Variants in FAM135B observed in about 807,000 individuals in gnomAD.
FAM135B encodes family with sequence similarity 135 member B, also known as protein FAM135B.
In FAM135B, 43 loss-of-function variants were observed where a neutral mutation model predicts 127.7. That is an observed-to-expected ratio of 0.34 (90% CI 0.26 to 0.43). The LOEUF (loss-of-function observed/expected upper bound fraction) is 0.43, where lower values mean the gene tolerates loss of function less well. FAM135B is among the 20% of genes least tolerant of loss of function. FAM135B has a pLI of 1.00. For missense variants in FAM135B, 1,558 were observed against 1,725.6 expected (o/e 0.90, Z 1.72); for synonymous variants, 670 against 665.1 (o/e 1.01, Z -0.11).
At chr8:138,370,968 T>A (rs1267430640) in intron 1 of FAM135B, among the ~76,000 whole-genome samples, 2 of 152,116 alleles carry the variant, frequency 1.3e-5, no homozygotes, top group Non-Finnish European at 2.9e-5. Context: ...AAGTCTTGAG[T>A]CCCACACCAG....
chr8:138,450,383 T>G (rs1412030250), intron 1 of FAM135B: 1 of 152,210 alleles, frequency 6.6e-6, no homozygotes, highest in Non-Finnish European at 1.5e-5. Flanking sequence ...CTTGTTGGAT[T>G]GCCTGTAAGA....
intron 2 of FAM135B, among the ~76,000 whole-genome samples, chr8:138,349,165 T>C (rs533284562): frequency 4.5e-4 from 69 of 152,360 alleles, no homozygotes; most frequent in Non-Finnish European, 8.4e-4. Flanking sequence ...ATGCCCCTTG[T>C]GAAGTAGCAG....
intron 2 of FAM135B, among the ~76,000 whole-genome samples, chr8:138,338,679 A>C (rs1298839198): frequency 6.6e-6 from 1 of 151,936 alleles, no homozygotes; most frequent in Non-Finnish European, 1.5e-5. Flanking sequence ...AAACTAGTTC[A>C]ACCATTGTGG....
At chr8:138,263,194 T>C (rs1320420996) in intron 4 of FAM135B, among the ~76,000 whole-genome samples, 1 of 152,120 alleles carries the variant, frequency 6.6e-6, no homozygotes, top group Non-Finnish European at 1.5e-5. Flanking sequence ...GGTGTAAATG[T>C]TTTCATCAAG....
chr8:138,435,046 G>A (rs1396138474), intron 1 of FAM135B, among the ~76,000 whole-genome samples: 9 of 152,162 alleles, frequency 5.9e-5, no homozygotes, highest in Non-Finnish European at 8.8e-5. Context: ...GGTGGCTCGC[G>A]CCTGTAATCC....
At chr8:138,447,161 G>A (rs1345750129) in intron 1 of FAM135B, among the ~76,000 whole-genome samples, 1 of 152,138 alleles carries the variant, frequency 6.6e-6, no homozygotes, top group Non-Finnish European at 1.5e-5. Flanking sequence ...AACAACAGGT[G>A]CTGGAGAGGA....
chr8:138,423,623 G>A (rs1170955991), intron 1 of FAM135B, among the ~76,000 whole-genome samples: 1 of 152,164 alleles, frequency 6.6e-6, no homozygotes, highest in Non-Finnish European at 1.5e-5. Context: ...AATGGAGGCA[G>A]GGCGGGATCA....
intron 1 of FAM135B, among the ~76,000 whole-genome samples, chr8:138,399,164 A>G (rs542885118): frequency 3.9e-5 from 6 of 152,310 alleles, no homozygotes; most frequent in African/African-American, 1.2e-4. Flanking sequence ...GTCTCAGTTA[A>G]TATCTAGTGT....
intron 1 of FAM135B, among the ~76,000 whole-genome samples, chr8:138,490,742 A>C (rs1244210435): frequency 6.6e-6 from 1 of 152,158 alleles, no homozygotes; most frequent in Non-Finnish European, 1.5e-5. Context: ...AAAACTAAAG[A>C]CTGTAAGTTG....
intron 13 of FAM135B, among the ~76,000 whole-genome samples, chr8:138,149,540 G>A (rs554403606): frequency 7.2e-5 from 11 of 152,228 alleles, no homozygotes; most frequent in South Asian, 2.1e-4. Flanking sequence ...TCTTTGTCTG[G>A]TTACCTGGCA....
intron 7 of FAM135B, among the ~76,000 whole-genome samples, chr8:138,203,613 T>C (rs1263847522): frequency 2.0e-5 from 3 of 152,196 alleles, no homozygotes; most frequent in Non-Finnish European, 4.4e-5. Context: ...AATTCTTTTG[T>C]GTGCCATTCA....
Position 138,243,076 on chromosome 8 carries a change from A to G in FAM135B, c.543-8T>C, listed in dbSNP as rs756816228. ...CTTCCTGGACGAGTAAAACTAAACA[A>G]AAGATAATTGAAAGGGTGAAAAAGG... On this transcript the variant is annotated splice_polypyrimidine_tract_variant and splice_region_variant and intron_variant, in intron 6 of 19. Transcript: ENST00000395297. The surrounding 1 kb of genome is among the most constrained non-coding windows in gnomAD (Gnocchi z 7.5). 3 of 1,604,188 alleles carry G rather than the reference A, an allele frequency of 1.9e-6. No homozygotes were observed. The highest frequency in any genetic ancestry group is 2.6e-6 in the Non-Finnish European group (3 of 1,176,352).
intron 1 of FAM135B, among the ~76,000 whole-genome samples, chr8:138,461,946 G>T (rs1224328963): frequency 6.6e-6 from 1 of 151,798 alleles, no homozygotes; most frequent in African/African-American, 2.4e-5. Flanking sequence ...CATCCTGCCC[G>T]AATGACACAG....
chr8:138,315,087 A>G (rs1035064675), intron 2 of FAM135B, among the ~76,000 whole-genome samples: 3 of 152,098 alleles, frequency 2.0e-5, no homozygotes, highest in Admixed American at 2.0e-4. Flanking sequence ...AGTATTCAAA[A>G]TGTATAAGAA....
upstream of FAM135B, among the ~76,000 whole-genome samples, chr8:138,497,610 C>T (rs867858287): frequency 3.9e-5 from 6 of 152,146 alleles, no homozygotes; most frequent in Admixed American, 2.0e-4. Context: ...AGGGTAAAAG[C>T]GCTGAGCAAC....
chr8:138,147,654 C>A (rs543920044), intron 14 of FAM135B, among the ~76,000 whole-genome samples: 118 of 152,208 alleles, frequency 7.8e-4, no homozygotes, highest in Middle Eastern at 3.4e-3. Flanking sequence ...TGCTTGGTAT[C>A]GGTTGTGGTT....
intron 1 of FAM135B, among the ~76,000 whole-genome samples, chr8:138,452,861 G>A (rs62527847): frequency 0.1 from 15,454 of 152,066 alleles, 1,231 homozygotes; most frequent in African/African-American, 0.21. Flanking sequence ...CCGTGCACCC[G>A]TCCACGAGAC....
chr8:138,244,245 A>G (rs911615481), intron 6 of FAM135B, among the ~76,000 whole-genome samples: 1 of 152,152 alleles, frequency 6.6e-6, no homozygotes, highest in African/African-American at 2.4e-5. Flanking sequence ...GATGTAATAC[A>G]ATGCAGGAAA....
chr8:138,247,087 C>A (rs1821346757), intron 6 of FAM135B, among the ~76,000 whole-genome samples: 1 of 152,234 alleles, frequency 6.6e-6, no homozygotes, highest in Non-Finnish European at 1.5e-5. Context: ...AAATAACCAA[C>A]TTGCTTTTGA....
Sources: gnomAD v4.1 joint callset for allele counts (sites outside exome capture counted in the v4.1 genomes callset) on GRCh38, gnomAD v4.1.1 for gene constraint, Gnocchi (gnomAD v3.1) non-coding constraint, MANE v1.5 for transcripts, NCBI Gene and HGNC (gene_info 2026-07-23, HGNC 2026-07-21) for gene names.